Variants in ZCCHC17 observed in about 807,000 individuals in gnomAD.
ZCCHC17 encodes the protein zinc finger CCHC domain-containing protein 17.
A neutral mutation model predicts 30.6 loss-of-function variants in ZCCHC17; 18 were observed. The ratio of observed to expected loss-of-function variants is 0.59; its 90% CI spans 0.41 to 0.87. ZCCHC17 has a LOEUF of 0.87. Among genes scored for constraint, ZCCHC17 ranks in the 40% least tolerant of loss-of-function variants. The pLI is 0.00. For synonymous variants in ZCCHC17, 88 were observed against 92.4 expected, an observed-to-expected ratio of 0.95 and a Z score of 0.27; for missense variants, 263 against 284.2, an observed-to-expected ratio of 0.93 and a Z score of 0.54.
At chr1:31,312,235 T>G (rs1646622883) in intron 2 of ZCCHC17, among the ~76,000 whole-genome samples, 1 of 152,240 alleles carries the variant, frequency 6.6e-6, no homozygotes, top group African/African-American at 2.4e-5. Context: ...CTCAGAATTT[T>G]TTTTACCCAT....
chr1:31,322,226 A>G (rs1273456034), intron 3 of ZCCHC17, among the ~76,000 whole-genome samples: 1 of 152,208 alleles, frequency 6.6e-6, no homozygotes, highest in African/African-American at 2.4e-5. Context: ...CAATTCTGAC[A>G]CTAACTACCT....
intron 3 of ZCCHC17, among the ~76,000 whole-genome samples, chr1:31,325,422 T>C (rs1219571161): frequency 2.0e-5 from 3 of 152,236 alleles, no homozygotes; most frequent in African/African-American, 7.2e-5. Context: ...TTATGGTTCC[T>C]GGCCTCTCCA....
At chr1:31,335,292 C>A (rs1239724612) in intron 3 of ZCCHC17, among the ~76,000 whole-genome samples, 1 of 152,158 alleles carries the variant, frequency 6.6e-6, no homozygotes, top group Non-Finnish European at 1.5e-5. Flanking sequence ...ATGTAATAAG[C>A]AAGGTGGTTC....
At chr1:31,333,599 G>A (rs1351096148) in intron 3 of ZCCHC17, among the ~76,000 whole-genome samples, 1 of 152,064 alleles carries the variant, frequency 6.6e-6, no homozygotes, top group Admixed American at 6.6e-5. Context: ...CTGACTCTTA[G>A]ATATACTCTA....
intron 5 of ZCCHC17, among the ~76,000 whole-genome samples, chr1:31,339,960 C>CTGTTTTTT (rs1638973436): frequency 1.1e-5 from 1 of 90,402 alleles, no homozygotes; most frequent in Non-Finnish European, 2.2e-5. Context: ...TCTTGGATTT[C>CTGTTTTTT]TTTTTTTTTT....
chr1:31,357,941 G>C (rs1044466822), intron 7 of ZCCHC17, among the ~76,000 whole-genome samples: 10 of 152,172 alleles, frequency 6.6e-5, no homozygotes, highest in Non-Finnish European at 1.3e-4. Context: ...TTTTAGTAGA[G>C]ACGGGTTTCT....
intron 2 of ZCCHC17, among the ~76,000 whole-genome samples, chr1:31,313,068 C>CT (rs59004055): frequency 0.53 from 59,653 of 113,428 alleles, 16,674 homozygotes; most frequent in Non-Finnish European, 0.61. Flanking sequence ...CACTGGGCCT[C>CT]TTTTTTTTTT....
chr1:31,310,310 A>C (rs1162649375), intron 2 of ZCCHC17, 146 bp downstream of exon 2: 1 of 672,170 alleles, frequency 1.5e-6, no homozygotes, highest in African/African-American at 1.8e-5. Flanking sequence ...TGGCAATCAC[A>C]TGTGCCTTCT....
At chr1:31,345,479 A>C (rs535476588) in intron 5 of ZCCHC17, among the ~76,000 whole-genome samples, 105 of 93,722 alleles carry the variant, frequency 1.1e-3, no homozygotes, top group Non-Finnish European at 1.8e-3. Context: ...TTTTGATCTG[A>C]GTACTGGTTA....
chr1:31,308,191 A>G (rs1387565149), intron 1 of ZCCHC17, among the ~76,000 whole-genome samples: 2 of 152,258 alleles, frequency 1.3e-5, no homozygotes, highest in East Asian at 3.8e-4. Context: ...AAGAACTGAC[A>G]AATCTGCCTG....
intron 3 of ZCCHC17, chr1:31,332,988 A>G (rs2148446659): frequency 6.6e-6 from 1 of 152,300 alleles, no homozygotes. Context: ...GATTAAGATT[A>G]TACTGTATAT....
rs528907841 is a variant in ZCCHC17, at chr1:31,364,845, A to G, written c.*652A>G. 6.6e-6 allele frequency: 1 copy of G among 152,412 alleles called. No homozygotes were observed. Among genetic ancestry groups the G allele is most frequent in the African/African-American group, 2.4e-5 (1 of 41,574 alleles). 9.4% of individuals were successfully genotyped at this position (152,412 alleles called of 1,614,324 possible). ...ACAGCGAAGCCAAGATCATTGTTCT[A>G]CTTTGTATTTACTACTGTGTGAATC... On this transcript the variant is annotated 3_prime_UTR_variant, in exon 8 of 8. Coordinates refer to ENST00000344147, the MANE Select transcript of ZCCHC17 (RefSeq NM_016505.4).
intron 3 of ZCCHC17, among the ~76,000 whole-genome samples, chr1:31,334,695 G>T (rs1356706222): frequency 1.1e-4 from 17 of 151,880 alleles, no homozygotes; most frequent in Admixed American, 1.1e-3. Context: ...TTTAGTATGG[G>T]AAAATGCTAG....
intron 1 of ZCCHC17, among the ~76,000 whole-genome samples, chr1:31,304,083 G>T (rs41367046): frequency 0.06 from 9,170 of 152,118 alleles, 530 homozygotes; most frequent in South Asian, 0.21. Flanking sequence ...GCTAGTAATT[G>T]GTCCCCTGTT....
In ZCCHC17 at chr1:31,332,499, A is replaced by G. The variant is rs1211067179; in HGVS notation, c.125-4676A>G. Among the ~76,000 whole-genome samples the G allele has an allele frequency of 2.0e-5, 3 of 152,078 alleles. No individual in the cohort carries two copies. In the East Asian group the frequency reaches 5.8e-4, roughly 29 times the overall value. On this transcript the variant is annotated intron_variant, in intron 3 of 7. Coordinates refer to ENST00000344147, the MANE Select transcript of ZCCHC17 (RefSeq NM_016505.4). ...AGTTTCACATTATTTCATAGTGTAT[A>G]TATTATTTAATTATAAAAATATATA...
intron 2 of ZCCHC17, among the ~76,000 whole-genome samples, chr1:31,314,769 C>A (rs957725571): frequency 6.6e-6 from 1 of 151,978 alleles, no homozygotes; most frequent in Non-Finnish European, 1.5e-5. Flanking sequence ...TGGGTTCAAG[C>A]GATTCTCATG....
chr1:31,353,681 G>T (rs769439608), intron 7 of ZCCHC17, among the ~76,000 whole-genome samples: 2 of 152,024 alleles, frequency 1.3e-5, no homozygotes, highest in Non-Finnish European at 2.9e-5. Flanking sequence ...GTACAGAAAG[G>T]GTCCAAAATT....
chr1:31,308,658 G>A (rs866633387), intron 1 of ZCCHC17, among the ~76,000 whole-genome samples: 9 of 152,196 alleles, frequency 5.9e-5, no homozygotes, highest in Non-Finnish European at 7.4e-5. Context: ...TTTAAGAGCC[G>A]CTAGATTGCT....
chr1:31,349,948 C>T (rs1034404394), intron 7 of ZCCHC17, among the ~76,000 whole-genome samples: 5 of 152,304 alleles, frequency 3.3e-5, no homozygotes, highest in African/African-American at 9.6e-5. Flanking sequence ...AGGGCTTTAA[C>T]GCTCTTGATA....
Sources: allele counts gnomAD v4.1 joint callset (sites outside exome capture counted in the v4.1 genomes callset), GRCh38; gene constraint gnomAD v4.1.1; transcripts MANE v1.5; gene names NCBI Gene and HGNC (gene_info 2026-07-23, HGNC 2026-07-21).